CLYBL: variants seen among roughly 807,000 people sequenced by gnomAD.
CLYBL encodes citramalyl-CoA lyase.
A neutral mutation model predicts 38.9 loss-of-function variants in CLYBL; 31 were observed. The ratio of observed to expected loss-of-function variants is 0.80; its 90% CI spans 0.60 to 1.08. The LOEUF is 1.08. Ranked by LOEUF, CLYBL falls within the 50% of genes least tolerant of loss-of-function variation. The probability of loss-of-function intolerance (pLI) is 0.00; values close to 1 mark genes in which losing one functional copy is unlikely to be tolerated. For missense variants in CLYBL, 434 were observed against 411.6 expected (o/e 1.05, Z -0.47); for synonymous variants, 171 against 158.6 (o/e 1.08, Z -0.59).
rs574294791 is a variant in CLYBL, at chr13:99,905,028, C to A, written c.*25-242C>A. 1.7e-3 allele frequency among the ~76,000 whole-genome samples: 257 copies of A among 152,148 alleles called. 1 individual carries two copies. The highest frequency in any genetic ancestry group is 2.9e-3 in the Non-Finnish European group (195 of 67,988). ...TCCCCCACATCTGCCTCCTTTGCCT[C>A]TTTCCCCACAGGGCTGGCCTGCTCA... On this transcript the variant is annotated intron_variant and NMD_transcript_variant, in intron 8 of 9. Transcript: ENST00000689673.
chr13:99,619,634 G>A (rs890363785), intron 1 of CLYBL, among the ~76,000 whole-genome samples: 3 of 152,146 alleles, frequency 2.0e-5, no homozygotes, highest in African/African-American at 7.2e-5. Flanking sequence ...TCTGCTATAG[G>A]CAGGAAGCTC....
chr13:99,727,743 A>G (rs1243101726), intron 1 of CLYBL, among the ~76,000 whole-genome samples: 5 of 151,998 alleles, frequency 3.3e-5, no homozygotes, highest in Middle Eastern at 3.4e-3. Context: ...TGTCCTGTCT[A>G]TCTCAGGACA....
At chr13:99,856,749 C>A (rs1334971359) in intron 2 of CLYBL, among the ~76,000 whole-genome samples, 5 of 152,048 alleles carry the variant, frequency 3.3e-5, no homozygotes, top group African/African-American at 1.2e-4. Context: ...AACGATTCTC[C>A]TGCCTCAGCC....
chr13:99,616,324 AT>A (rs780704520), intron 1 of CLYBL, among the ~76,000 whole-genome samples: 1 of 152,072 alleles, frequency 6.6e-6, no homozygotes, highest in East Asian at 1.9e-4. Flanking sequence ...CACCCAGCTG[AT>A]TTTATGTTTT....
Position 99,606,706 on chromosome 13 carries a change from G to A in CLYBL, c.11G>A (p.Arg4His), listed in dbSNP as rs1339654064. 1.9e-5 allele frequency: 29 copies of A among 1,494,288 alleles called. No individual in the cohort carries two copies. The highest frequency in any genetic ancestry group is 2.5e-5 in the Non-Finnish European group (28 of 1,128,460). 92.6% of individuals were successfully genotyped at this position (1,494,288 alleles called of 1,614,324 possible). The change falls in exon 1 of 9, where the codon CGT (arginine) becomes CAT (histidine). Residue 4 changes from arginine (R) to histidine (H), a missense_variant. Coordinates refer to ENST00000339105, the MANE Select transcript of CLYBL (RefSeq NM_206808.5). The stretch of plus-strand genomic sequence containing the variant: ...GCGCGCGTCGGGAAGATGGCGCTAC[G>A]TCTGCTGCGGAGGGCGGCGCGCGGA... MAL[R>H]LLRRAARGAA... is the part of the protein sequence containing the mutation.
In CLYBL at chr13:99,615,427, T is replaced by G. The variant is rs150353088; in HGVS notation, c.62+8670T>G. ...GAGCTATTAGTACGTTTAATTAAAT[T>G]TTTTAACATATAAAAAGTTGTTAAT... is the stretch of plus-strand genomic sequence containing the variant. On this transcript the variant is annotated intron_variant, in intron 1 of 8. Transcript: ENST00000339105. Among the ~76,000 whole-genome samples, 44 of 152,364 alleles carry G rather than the reference T, an allele frequency of 2.9e-4. 1 individual carries two copies. In the East Asian group the frequency reaches 7.9e-3, roughly 27 times the overall value.
chr13:99,736,193 C>T (rs1363217147), intron 1 of CLYBL, among the ~76,000 whole-genome samples: 11 of 151,408 alleles, frequency 7.3e-5, no homozygotes, highest in East Asian at 1.9e-4. Context: ...TACAGGCACC[C>T]GCCACCACGC....
At chr13:99,686,170 A>G (rs1342221709) in intron 1 of CLYBL, among the ~76,000 whole-genome samples, 1 of 152,036 alleles carries the variant, frequency 6.6e-6, no homozygotes, top group Non-Finnish European at 1.5e-5. Flanking sequence ...GGACACTCTG[A>G]GCTAAGAAAA....
In CLYBL at chr13:99,780,243, G is replaced by A. The variant is rs530497476; in HGVS notation, c.249+7233G>A. 7.2e-5 allele frequency among the ~76,000 whole-genome samples: 11 copies of A among 152,166 alleles called. No homozygotes were observed. In the South Asian group the frequency reaches 1.5e-3, roughly 20 times the overall value. ...GCTTGAATGTTTATGTGGTCTGATC[G>A]TAATACAGCAACATCAACTTTCCTT... On this transcript the variant is annotated intron_variant, in intron 2 of 8. Coordinates refer to ENST00000339105, the MANE Select transcript of CLYBL (RefSeq NM_206808.5).
At chr13:99,627,466 T>C (rs982436853) in intron 1 of CLYBL, among the ~76,000 whole-genome samples, 46 of 152,228 alleles carry the variant, frequency 3.0e-4, no homozygotes, top group African/African-American at 1.1e-3. Context: ...CTATGACAAA[T>C]GGTCTTGGAA....
chr13:99,853,117 T>TGTAAACAGGG (rs1460755775), intron 2 of CLYBL, among the ~76,000 whole-genome samples: 2 of 151,984 alleles, frequency 1.3e-5, no homozygotes, highest in Admixed American at 6.6e-5. Context: ...AAAGCCATTG[T>TGTAAACAGGG]TCTAACATCT....
intron 1 of CLYBL, among the ~76,000 whole-genome samples, chr13:99,636,275 G>T (rs1030851917): frequency 6.6e-6 from 1 of 152,144 alleles, no homozygotes; most frequent in African/African-American, 2.4e-5. Flanking sequence ...GCTCACCCTT[G>T]CTGCAGATCA....
intron 1 of CLYBL, among the ~76,000 whole-genome samples, chr13:99,699,513 G>A (rs779444405): frequency 6.6e-6 from 1 of 151,206 alleles, no homozygotes; most frequent in Non-Finnish European, 1.5e-5. Flanking sequence ...CCAATATGGC[G>A]AAACCCCATC....
At chr13:99,681,509 A>G (rs1029560684) in intron 1 of CLYBL, among the ~76,000 whole-genome samples, 1 of 152,244 alleles carries the variant, frequency 6.6e-6, no homozygotes, top group Non-Finnish European at 1.5e-5. Flanking sequence ...TGATAAAGAA[A>G]TGTGGCAGAA....
At chr13:99,646,879 C>T (rs2047184940) in intron 1 of CLYBL, among the ~76,000 whole-genome samples, 1 of 152,146 alleles carries the variant, frequency 6.6e-6, no homozygotes, top group Non-Finnish European at 1.5e-5. Context: ...TACCCTAGAT[C>T]TGCCTGCTAG....
chr13:99,720,078 G>A (rs1006221900), intron 1 of CLYBL, among the ~76,000 whole-genome samples: 7 of 150,328 alleles, frequency 4.7e-5, no homozygotes, highest in African/African-American at 1.7e-4. Context: ...GCTTTTCATT[G>A]TACTTAGTTC....
In CLYBL at chr13:99,607,303, C is replaced by CAAA. The variant is rs5806131; in HGVS notation, c.62+553_62+555dup. ...AATAACACTTTAATGCATAACTTCT[C>CAAA]AAAAAAAAAGTGAGAAGATTGGCTC... On this transcript the variant is annotated intron_variant, in intron 1 of 8. Coordinates refer to ENST00000339105, the MANE Select transcript of CLYBL (RefSeq NM_206808.5). 2.6e-5 allele frequency among the ~76,000 whole-genome samples: 4 copies of CAAA among 151,332 alleles called. No individual in the cohort carries two copies. In the East Asian group the frequency reaches 7.7e-4, roughly 29 times the overall value.
At chr13:99,686,326 G>C (rs1472096641) in intron 1 of CLYBL, among the ~76,000 whole-genome samples, 1 of 152,210 alleles carries the variant, frequency 6.6e-6, no homozygotes, top group African/African-American at 2.4e-5. Context: ...CTAGTGCTGA[G>C]CTCACCGGCT....
intron 2 of CLYBL, among the ~76,000 whole-genome samples, chr13:99,826,231 G>A (rs771453835): frequency 6.6e-6 from 1 of 152,144 alleles, no homozygotes; most frequent in Admixed American, 6.5e-5. Context: ...ATAGGTGGTT[G>A]CCCTCCATAA....
Sources: allele counts gnomAD v4.1 joint callset (sites outside exome capture counted in the v4.1 genomes callset), GRCh38; gene constraint gnomAD v4.1.1; transcripts MANE v1.5; gene names NCBI Gene and HGNC (gene_info 2026-07-23, HGNC 2026-07-21).